Variants in ITCH observed in about 807,000 individuals in gnomAD.
ITCH encodes the protein itchy E3 ubiquitin protein ligase.
ITCH carries 28 observed loss-of-function variants against 126.8 expected under a neutral mutation model. The ratio of observed to expected loss-of-function variants is 0.22; its 90% CI spans 0.16 to 0.30. ITCH has a LOEUF of 0.30. ITCH is among the 10% of genes least tolerant of loss of function. ITCH has a pLI of 1.00. For synonymous variants in ITCH, 342 were observed against 340.0 expected (o/e 1.01, Z -0.06); for missense variants, 631 against 1,032.4 (o/e 0.61, Z 5.33).
At chr20:34,384,417 A>G (rs1441924494) in intron 2 of ITCH, among the ~76,000 whole-genome samples, 1 of 148,652 alleles carries the variant, frequency 6.7e-6, no homozygotes, top group African/African-American at 2.5e-5. Flanking sequence ...AGTAACTGGG[A>G]TTACAGGCAT....
chr20:34,500,897 A>G (rs1162642798), intron 23 of ITCH, among the ~76,000 whole-genome samples: 1 of 152,060 alleles, frequency 6.6e-6, no homozygotes, highest in Non-Finnish European at 1.5e-5. Flanking sequence ...TCATCTTTTC[A>G]CTTCCAGATG....
chr20:34,385,324 A>G (rs1007704358), intron 2 of ITCH, among the ~76,000 whole-genome samples: 2 of 150,604 alleles, frequency 1.3e-5, no homozygotes, highest in Non-Finnish European at 1.5e-5. Context: ...TGGCCTTGCA[A>G]AGTGCTGGGA....
In ITCH at chr20:34,495,525, G is replaced by A. The variant is rs564636831; in HGVS notation, c.2416+2928G>A. On this transcript the variant is annotated intron_variant, in intron 23 of 24. Transcript: ENST00000374864. The stretch of plus-strand genomic sequence containing the variant: ...ATCGGCTTTCTTAGCTTTCACGAGT[G>A]ACAGCATGTAGTATTTATCTTTTTG... Among the ~76,000 whole-genome samples the A allele has an allele frequency of 1.2e-4, 18 of 151,942 alleles. No individual in the cohort carries two copies. In the South Asian group the frequency reaches 3.3e-3, roughly 28 times the overall value.
chr20:34,419,412 G>A (rs1980432119), intron 6 of ITCH, among the ~76,000 whole-genome samples: 1 of 151,118 alleles, frequency 6.6e-6, no homozygotes, highest in Admixed American at 6.6e-5. Flanking sequence ...GTCTTTAAAA[G>A]TTTTATCCTA....
intron 24 of ITCH, among the ~76,000 whole-genome samples, chr20:34,506,780 T>G (rs777553104): frequency 2.2e-4 from 33 of 152,224 alleles, no homozygotes; most frequent in Non-Finnish European, 4.3e-4. Context: ...TACTACTGTT[T>G]CTATGATTCT....
chr20:34,432,904 C>G (rs907576892), intron 7 of ITCH, among the ~76,000 whole-genome samples: 18 of 152,164 alleles, frequency 1.2e-4, no homozygotes, highest in African/African-American at 4.1e-4. Context: ...TTGCAGTGAG[C>G]TGAAATCATG....
chr20:34,373,792 G>A (rs530362683), intron 2 of ITCH, among the ~76,000 whole-genome samples: 139 of 152,202 alleles, frequency 9.1e-4, no homozygotes, highest in Middle Eastern at 3.4e-3. Context: ...ACTCACTCCA[G>A]AAATATCTAC....
At chr20:34,435,895 C>A (rs1355357746) in intron 7 of ITCH, among the ~76,000 whole-genome samples, 1 of 152,076 alleles carries the variant, frequency 6.6e-6, no homozygotes, top group Non-Finnish European at 1.5e-5. Flanking sequence ...ATAAAAGATA[C>A]TGTAGGAGGC....
At chr20:34,462,039 G>A (rs1031484684) in intron 13 of ITCH, 54 bp from the exon 14 acceptor site, 4 of 1,567,318 alleles carry the variant, frequency 2.6e-6, no homozygotes, top group Admixed American at 3.3e-5. Flanking sequence ...TCTGTACTTG[G>A]CAAACAAGCA....
intron 7 of ITCH, among the ~76,000 whole-genome samples, chr20:34,436,023 A>G (rs1374424324): frequency 6.6e-6 from 1 of 152,204 alleles, no homozygotes; most frequent in Middle Eastern, 3.2e-3. Flanking sequence ...AGATGACTCC[A>G]TTGAAAAATT....
chr20:34,489,639 G>T (rs1452738642), intron 21 of ITCH, among the ~76,000 whole-genome samples, 183 bp from the exon 22 acceptor site: 1 of 152,202 alleles, frequency 6.6e-6, no homozygotes, highest in African/African-American at 2.4e-5. Flanking sequence ...ATATGTATAT[G>T]TATGACACCG....
intron 23 of ITCH, among the ~76,000 whole-genome samples, chr20:34,501,982 T>C (rs963999447): frequency 6.6e-6 from 1 of 152,058 alleles, no homozygotes; most frequent in African/African-American, 2.4e-5. Context: ...AGAATATATC[T>C]CCTGTCATGA....
Position 34,374,681 on chromosome 20 carries a change from G to A in ITCH, c.-22+5211G>A, listed in dbSNP as rs191550811. Among the ~76,000 whole-genome samples, 4 of 152,158 alleles carry A rather than the reference G, an allele frequency of 2.6e-5. No homozygotes were observed. In the East Asian group the frequency reaches 7.7e-4, roughly 29 times the overall value. Reference sequence around the variant, plus strand: ...CAGACTGGGACTTTAAGTGAACTAGGGAATTCATTCCCCTCCAAGGGAGCA... The same window carrying A: ...CAGACTGGGACTTTAAGTGAACTAGAGAATTCATTCCCCTCCAAGGGAGCA... On this transcript the variant is annotated intron_variant, in intron 2 of 24. Transcript: ENST00000374864.
At chr20:34,407,912 C>T (rs1428465021) in intron 3 of ITCH, among the ~76,000 whole-genome samples, 1 of 152,228 alleles carries the variant, frequency 6.6e-6, no homozygotes, top group Non-Finnish European at 1.5e-5. Context: ...AGAGCAGTAT[C>T]TGACACATGG....
intron 20 of ITCH, among the ~76,000 whole-genome samples, chr20:34,482,702 G>A (rs1988839225): frequency 6.6e-6 from 1 of 152,198 alleles, no homozygotes; most frequent in Admixed American, 6.5e-5. Flanking sequence ...GCTGCAAGCT[G>A]TTGGTGGATC....
chr20:34,379,773 GT>G (rs1255978595), intron 2 of ITCH, among the ~76,000 whole-genome samples: 1 of 149,962 alleles, frequency 6.7e-6, no homozygotes, highest in Non-Finnish European at 1.5e-5. Context: ...TTCTTTTTGT[GT>G]TTTTAGTAGA....
chr20:34,504,356 C>T lies in ITCH; in HGVS notation c.2442C>T (p.Cys814=). 2.5e-6 allele frequency: 4 copies of T among 1,613,244 alleles called. No homozygotes were observed. Among genetic ancestry groups the T allele is most frequent in the Non-Finnish European group, 3.4e-6 (4 of 1,179,258 alleles). The change falls in exon 24 of 25, where the codon TGC becomes TGT. Residue 814 remains cysteine, a synonymous_variant. Transcript: ENST00000374864. ...GGAGCAATGGACCACAGAAATTCTG[C>T]ATTGAAAAAGTTGGGAAAGAAAATT... ...LMGSNGPQKF[C]IEKVGKENWL...
intron 15 of ITCH, among the ~76,000 whole-genome samples, chr20:34,470,779 C>T (rs1207460893): frequency 6.6e-6 from 1 of 152,072 alleles, no homozygotes; most frequent in Non-Finnish European, 1.5e-5. Context: ...GAGACAGGGT[C>T]CCCTTATGTT....
At chr20:34,503,828 T>G (rs1409233633) in intron 23 of ITCH, among the ~76,000 whole-genome samples, 3 of 151,352 alleles carry the variant, frequency 2.0e-5, no homozygotes, top group Non-Finnish European at 4.4e-5. Flanking sequence ...CTTTTTTGTT[T>G]GTTGGTTGCT....
Sources: allele counts gnomAD v4.1 joint callset (sites outside exome capture counted in the v4.1 genomes callset), GRCh38; gene constraint gnomAD v4.1.1; transcripts MANE v1.5; gene names NCBI Gene and HGNC (gene_info 2026-07-23, HGNC 2026-07-21).